Variants in ZNF385D observed in about 807,000 individuals in gnomAD.
ZNF385D encodes zinc finger protein 385D, also known as zinc finger protein 659.
A neutral mutation model predicts 35.8 loss-of-function variants in ZNF385D; 15 were observed. That is an observed-to-expected ratio of 0.42 (90% CI 0.28 to 0.64). ZNF385D has a LOEUF of 0.64. ZNF385D is among the 30% of genes least tolerant of loss of function. The pLI is 0.23. For synonymous variants in ZNF385D, 212 were observed against 186.8 expected (o/e 1.13, Z -1.10); for missense variants, 474 against 494.6 (o/e 0.96, Z 0.39).
rs567565028 is a variant in ZNF385D at position 22,040,525 on chromosome 3, T to C, written c.325+128292A>G. On this transcript the variant is annotated intron_variant, in intron 3 of 5. Coordinates refer to the ZNF385D transcript ENST00000494108. ...TTTGATTTTCTAAAATGGGGAAAAA[T>C]AAATTTCAGAAACTACACATTGATA... 5.9e-5 allele frequency among the ~76,000 whole-genome samples: 9 copies of C among 152,170 alleles called. No individual in the cohort carries two copies. The South Asian group carries it at 1.9e-3, about 32-fold the overall frequency.
At chr3:21,430,206 A>G (rs1701229438) in intron 5 of ZNF385D, among the ~76,000 whole-genome samples, 1 of 152,118 alleles carries the variant, frequency 6.6e-6, no homozygotes. Flanking sequence ...CTGGAATGGC[A>G]TCTAGGTATC....
chr3:21,437,715 A>AAAAAAAAAAAAAAAAAAAC (rs1701641054), intron 4 of ZNF385D, among the ~76,000 whole-genome samples: 1 of 148,736 alleles, frequency 6.7e-6, no homozygotes, highest in Non-Finnish European at 1.5e-5. Context: ...AAAAAAAAAA[A>AAAAAAAAAAAAAAAAAAAC]AAAACCGGAA....
intron 3 of ZNF385D, among the ~76,000 whole-genome samples, chr3:21,907,955 C>G (rs1699763810): frequency 6.6e-6 from 1 of 151,870 alleles, no homozygotes; most frequent in South Asian, 2.1e-4. Flanking sequence ...GATAAGCAAA[C>G]TATAGAAATA....
chr3:22,354,709 G>A (rs1696069664), intron 2 of ZNF385D, among the ~76,000 whole-genome samples: 1 of 151,984 alleles, frequency 6.6e-6, no homozygotes, highest in African/African-American at 2.4e-5. Flanking sequence ...TTTTAAAAAT[G>A]CAGACAATAA....
At chr3:21,432,785 CA>C (rs1455835070) in intron 5 of ZNF385D, among the ~76,000 whole-genome samples, 2 of 17,150 alleles carry the variant, frequency 1.2e-4, no homozygotes, top group Middle Eastern at 0.059. Flanking sequence ...CTTCCCTTTC[CA>C]AATTAAAAAA....
intron 3 of ZNF385D, among the ~76,000 whole-genome samples, chr3:21,849,341 T>C (rs909016013): frequency 6.6e-6 from 1 of 152,118 alleles, no homozygotes; most frequent in Non-Finnish European, 1.5e-5. Flanking sequence ...CTTAAAGAGT[T>C]TGTGAATTGC....
intron 3 of ZNF385D, among the ~76,000 whole-genome samples, chr3:22,061,927 C>A (rs1699707065): frequency 6.6e-6 from 1 of 152,250 alleles, no homozygotes; most frequent in Non-Finnish European, 1.5e-5. Flanking sequence ...TTGGTTGCTT[C>A]ATCCCCAGCA....
rs1083716 is a variant in ZNF385D at position 22,137,703 on chromosome 3, G to A, written c.325+31114C>T. Among the ~76,000 whole-genome samples the A allele has an allele frequency of 6.4e-4, 98 of 152,048 alleles. 1 individual carries two copies. Among genetic ancestry groups the A allele is most frequent in the Middle Eastern group, 3.4e-3 (1 of 294 alleles). The stretch of plus-strand genomic sequence containing the variant: ...TAAGAGCTATCTATGACAAACCCAC[G>A]GCCAATATCATACTGAATGGACAAA... On this transcript the variant is annotated intron_variant, in intron 3 of 5. Coordinates refer to the ZNF385D transcript ENST00000494108.
chr3:22,347,583 T>G lies in ZNF385D; in HGVS notation c.106+24867A>C, dbSNP rs988800216. On this transcript the variant is annotated intron_variant, in intron 2 of 5. Coordinates refer to the ZNF385D transcript ENST00000494108. Reference sequence around the variant, plus strand: ...TTTGATGCTCAACAAAATCAAAATCTGAGTTAGAAGCTAAATAAAAATAGA... The same window carrying G: ...TTTGATGCTCAACAAAATCAAAATCGGAGTTAGAAGCTAAATAAAAATAGA... 4.6e-5 allele frequency among the ~76,000 whole-genome samples: 7 copies of G among 152,316 alleles called. No homozygotes were observed. In the East Asian group the frequency reaches 9.6e-4, roughly 21 times the overall value.
At chr3:21,895,584 G>T (rs75574949) in intron 3 of ZNF385D, among the ~76,000 whole-genome samples, 9,769 of 148,310 alleles carry the variant, frequency 0.066, 332 homozygotes, top group Middle Eastern at 0.089. Flanking sequence ...CAAGTGATCT[G>T]CCCACCTCGG....
In ZNF385D at chr3:22,279,572, GTA is replaced by G. The variant is rs1289645339; in HGVS notation, c.106+92876_106+92877del. Among the ~76,000 whole-genome samples, 15 of 143,374 alleles carry G rather than the reference GTA, an allele frequency of 1.0e-4. 1 individual carries two copies. Among genetic ancestry groups the G allele is most frequent in the Non-Finnish European group, 1.2e-4 (8 of 66,708 alleles). 94.1% of individuals were successfully genotyped at this position (143,374 alleles called of 152,430 possible). ...TACATATACATATGTACATATATAT[GTA>G]TATACATATACATATGTACATATAT... On this transcript the variant is annotated intron_variant, in intron 2 of 5. Coordinates refer to the ZNF385D transcript ENST00000494108.
In ZNF385D at chr3:21,998,838, G is replaced by A. The variant is rs147930333; in HGVS notation, c.325+169979C>T. Reference sequence around the variant, plus strand: ...GTCAAGGGAGTTTGTTGTAACATACGCACACACATAGACACAGACACACAC... The same window carrying A: ...GTCAAGGGAGTTTGTTGTAACATACACACACACATAGACACAGACACACAC... On this transcript the variant is annotated intron_variant, in intron 3 of 5. Transcript: ENST00000494108. Among the ~76,000 whole-genome samples, 910 of 152,128 alleles carry A rather than the reference G, an allele frequency of 6.0e-3. 10 individuals carry two copies. The highest frequency in any genetic ancestry group is 0.018 in the South Asian group (89 of 4,816).
At chr3:22,024,339 A>G (rs1476247989) in intron 3 of ZNF385D, among the ~76,000 whole-genome samples, 1 of 151,926 alleles carries the variant, frequency 6.6e-6, no homozygotes, top group Non-Finnish European at 1.5e-5. Context: ...GTATGATAGG[A>G]TACCTATATA....
At chr3:22,222,336 G>T (rs997133781) in intron 2 of ZNF385D, among the ~76,000 whole-genome samples, 2 of 148,548 alleles carry the variant, frequency 1.3e-5, no homozygotes, top group African/African-American at 2.5e-5. Context: ...TTCAAAAAAA[G>T]AAAAAAAAAT....
chr3:21,585,905 A>G (rs906718968), intron 2 of ZNF385D, among the ~76,000 whole-genome samples: 1 of 152,180 alleles, frequency 6.6e-6, no homozygotes, highest in Non-Finnish European at 1.5e-5. Flanking sequence ...GCAGTAGCTC[A>G]TGTCTGTAGT....
At chr3:22,278,241 TAACTC>T (rs140767359) in intron 2 of ZNF385D, among the ~76,000 whole-genome samples, 6,455 of 152,116 alleles carry the variant, frequency 0.042, 167 homozygotes, top group African/African-American at 0.069. Flanking sequence ...ACAAAGTAAT[TAACTC>T]AAAAAGTACA....
intron 3 of ZNF385D, chr3:22,168,597 T>A (rs541407628): frequency 5.7e-4 from 92 of 161,628 alleles, no homozygotes; most frequent in Non-Finnish European, 8.9e-4. Flanking sequence ...AATAGTAAAT[T>A]TTCTGCAGGT....
At chr3:22,094,800 G>T (rs961865766) in intron 3 of ZNF385D, among the ~76,000 whole-genome samples, 1 of 152,024 alleles carries the variant, frequency 6.6e-6, no homozygotes, top group Non-Finnish European at 1.5e-5. Flanking sequence ...ACAGCTGTAG[G>T]TTGTCAGTTA....
intron 3 of ZNF385D, among the ~76,000 whole-genome samples, chr3:22,163,538 G>A (rs1553620422): frequency 6.6e-6 from 1 of 151,878 alleles, no homozygotes; most frequent in Non-Finnish European, 1.5e-5. Context: ...GCTTATTCAA[G>A]TTTTTTTTGT....
Sources: gnomAD v4.1 joint callset for allele counts (sites outside exome capture counted in the v4.1 genomes callset) on GRCh38, gnomAD v4.1.1 for gene constraint, MANE v1.5 for transcripts, NCBI Gene and HGNC (gene_info 2026-07-23, HGNC 2026-07-21) for gene names.